ASCC1: variants seen among roughly 807,000 people sequenced by gnomAD.
ASCC1 encodes the protein ASC-1 complex subunit P50.
A neutral mutation model predicts 46.6 loss-of-function variants in ASCC1; 35 were observed. The ratio of observed to expected loss-of-function variants is 0.75; its 90% CI spans 0.57 to 0.99. The LOEUF is 0.99. Ranked by LOEUF, ASCC1 falls within the 50% of genes least tolerant of loss-of-function variation. The pLI, the probability that ASCC1 is intolerant of heterozygous loss-of-function variation, is 0.00. For missense variants in ASCC1, 376 were observed against 428.7 expected (o/e 0.88, Z 1.09); for synonymous variants, 143 against 146.6 (o/e 0.98, Z 0.18).
At chr10:72,161,823 C>A in intron 5 of ASCC1, 149 bp from the exon 6 acceptor site, 1 of 812,128 alleles carries the variant, frequency 1.2e-6, no homozygotes, top group Non-Finnish European at 2.0e-6. Flanking sequence ...AAAGTCTCCT[C>A]AATAAATGAT....
intron 5 of ASCC1, among the ~76,000 whole-genome samples, chr10:72,172,890 TTA>T (rs1214678645): frequency 5.1e-4 from 66 of 128,812 alleles, no homozygotes; most frequent in East Asian, 3.9e-3. Flanking sequence ...TATTTTTATA[TTA>T]TATATATTAT....
At chr10:72,175,322 T>TC (rs1256690480) in intron 5 of ASCC1, among the ~76,000 whole-genome samples, 1 of 152,164 alleles carries the variant, frequency 6.6e-6, no homozygotes, top group African/African-American at 2.4e-5. Flanking sequence ...AATACAAGCT[T>TC]CCCCCTCTTC....
At chr10:72,202,739 T>C (rs1856666464) in intron 4 of ASCC1, among the ~76,000 whole-genome samples, 1 of 152,148 alleles carries the variant, frequency 6.6e-6, no homozygotes. Flanking sequence ...GAGAGCACAA[T>C]GGAAAAGGCT....
At chr10:72,212,749 G>A (rs1388140498) in intron 2 of ASCC1, among the ~76,000 whole-genome samples, 3 of 152,088 alleles carry the variant, frequency 2.0e-5, no homozygotes, top group African/African-American at 7.2e-5. Flanking sequence ...TCAGGAGGCT[G>A]AGGCACCAGA....
intron 5 of ASCC1, among the ~76,000 whole-genome samples, chr10:72,170,371 T>C (rs1461020211): frequency 1.3e-5 from 2 of 151,994 alleles, no homozygotes; most frequent in African/African-American, 4.8e-5. Context: ...CAATGCTCCA[T>C]CCAGGAATGC....
chr10:72,146,249 G>A (rs1210139650), intron 7 of ASCC1, among the ~76,000 whole-genome samples: 4 of 152,258 alleles, frequency 2.6e-5, no homozygotes, highest in South Asian at 2.1e-4. Flanking sequence ...TGACAGAAGC[G>A]CTATGGTCTA....
rs996153326 is a variant in ASCC1, at chr10:72,189,802, C to CAAAAAAAA, written c.489+7001_489+7008dup. ...GGGCAACAAGAGCGAAACTCCATCT[C>CAAAAAAAA]AAAAAAAAAAAAAAAAAAAAAGAAC... On this transcript the variant is annotated intron_variant, in intron 5 of 9. Coordinates refer to ENST00000672957, the MANE Select transcript of ASCC1 (RefSeq NM_001198800.3). 2.9e-4 allele frequency: 49 copies of CAAAAAAAA among 167,880 alleles called. 1 individual carries two copies. The highest frequency in any genetic ancestry group is 1.7e-3 in the African/African-American group (31 of 18,636). 10.4% of individuals were successfully genotyped at this position (167,880 alleles called of 1,614,324 possible). A position where few individuals can be genotyped will look rare whatever the true frequency, so the allele number is the denominator to read the frequency against.
intron 5 of ASCC1, among the ~76,000 whole-genome samples, chr10:72,168,674 G>A (rs1246656034): frequency 1.3e-5 from 2 of 152,184 alleles, no homozygotes; most frequent in Non-Finnish European, 2.9e-5. Flanking sequence ...GTTAAACAAG[G>A]CCATAAGGGT....
chr10:72,164,487 A>G (rs2132728399), intron 5 of ASCC1, among the ~76,000 whole-genome samples: 1 of 152,324 alleles, frequency 6.6e-6, no homozygotes, highest in Middle Eastern at 3.4e-3. Context: ...TTTAGAGTTA[A>G]ATAATATTTT....
Position 72,195,981 on chromosome 10 carries a change from T to C in ASCC1, c.489+830A>G, listed in dbSNP as rs1237598548. Reference sequence around the variant, plus strand: ...TTCTAAATTTTCTATAATAAACATATTGCTTTCATACTTTTTTGAATCAAT... The same window carrying C: ...TTCTAAATTTTCTATAATAAACATACTGCTTTCATACTTTTTTGAATCAAT... On this transcript the variant is annotated intron_variant, in intron 5 of 9. Transcript: ENST00000672957. 2.0e-5 allele frequency among the ~76,000 whole-genome samples: 3 copies of C among 152,210 alleles called. No individual in the cohort carries two copies. The East Asian group carries it at 5.8e-4, about 29-fold the overall frequency.
chr10:72,132,884 A>G (rs973086802), intron 8 of ASCC1, among the ~76,000 whole-genome samples, 173 bp downstream of exon 8: 4 of 152,216 alleles, frequency 2.6e-5, no homozygotes, highest in African/African-American at 9.6e-5. Flanking sequence ...TGGAAGCCAC[A>G]GTTCCATGCT....
intron 5 of ASCC1, among the ~76,000 whole-genome samples, chr10:72,196,505 C>T (rs1049588848): frequency 1.3e-5 from 2 of 152,042 alleles, no homozygotes; most frequent in Non-Finnish European, 2.9e-5. Flanking sequence ...TGGTCTTGAA[C>T]GCCTGACCTC....
chr10:72,202,810 C>A (rs1252572741), intron 4 of ASCC1, among the ~76,000 whole-genome samples: 1 of 152,086 alleles, frequency 6.6e-6, no homozygotes, highest in Non-Finnish European at 1.5e-5. Flanking sequence ...GGAAACAATT[C>A]ACAAATCCAT....
chr10:72,207,229 T>C (rs1177332896), intron 3 of ASCC1, among the ~76,000 whole-genome samples: 1 of 152,026 alleles, frequency 6.6e-6, no homozygotes, highest in African/African-American at 2.4e-5. Context: ...CTGACCAACA[T>C]GGCAAAACCC....
At chr10:72,178,043 A>C (rs1282448765) in intron 5 of ASCC1, among the ~76,000 whole-genome samples, 1 of 152,226 alleles carries the variant, frequency 6.6e-6, no homozygotes, top group African/African-American at 2.4e-5. Flanking sequence ...TAACATGAAG[A>C]GCCAAGGGTG....
chr10:72,162,746 C>T (rs1235899791), intron 5 of ASCC1, among the ~76,000 whole-genome samples: 1 of 151,996 alleles, frequency 6.6e-6, no homozygotes, highest in Non-Finnish European at 1.5e-5. Context: ...AGTTCAAGAC[C>T]AGCCTGACCA....
intron 9 of ASCC1, among the ~76,000 whole-genome samples, chr10:72,109,173 A>C (rs1387111616): frequency 2.6e-5 from 4 of 152,198 alleles, no homozygotes; most frequent in African/African-American, 9.7e-5. Context: ...CTCAGATCCA[A>C]GGAGAAAGGT....
At chr10:72,121,164 G>A (rs1299397044) in intron 9 of ASCC1, among the ~76,000 whole-genome samples, 2 of 151,986 alleles carry the variant, frequency 1.3e-5, no homozygotes, top group East Asian at 3.8e-4. Flanking sequence ...TTTATTTTGC[G>A]ACAGGGTCTT....
chr10:72,215,347 T>C (rs536887176), intron 1 of ASCC1, among the ~76,000 whole-genome samples: 1 of 152,336 alleles, frequency 6.6e-6, no homozygotes, highest in South Asian at 2.1e-4. Context: ...TGCAGTGAGC[T>C]GAGATCGCGC....
Sources: allele counts gnomAD v4.1 joint callset (sites outside exome capture counted in the v4.1 genomes callset), GRCh38; gene constraint gnomAD v4.1.1; transcripts MANE v1.5; gene names NCBI Gene and HGNC (gene_info 2026-07-23, HGNC 2026-07-21).